ABCA13: variants seen among roughly 807,000 people sequenced by gnomAD.
ABCA13 encodes the protein ATP binding cassette subfamily A member 13, also known as ATP-binding cassette sub-family A member 13.
ABCA13 carries 476 observed loss-of-function variants against 478.7 expected under a neutral mutation model. The observed-to-expected ratio is 0.99, with a 90% CI of 0.92 to 1.07. ABCA13 has a LOEUF of 1.07. Ranked by LOEUF, ABCA13 falls within the 50% of genes least tolerant of loss-of-function variation. The pLI is 0.00. For missense variants in ABCA13, 6,060 were observed against 5,910.6 expected (o/e 1.03, Z -0.83); for synonymous variants, 2,252 against 2,158.9 (o/e 1.04, Z -1.20).
intron 32 of ABCA13, among the ~76,000 whole-genome samples, chr7:48,370,566 G>A (rs1812474152): frequency 6.6e-6 from 1 of 151,892 alleles, no homozygotes; most frequent in African/African-American, 2.4e-5. Flanking sequence ...AAATAAAATT[G>A]GAAATCAACT....
At chr7:48,469,189 A>G (rs1827205374) in intron 44 of ABCA13, among the ~76,000 whole-genome samples, 1 of 152,204 alleles carries the variant, frequency 6.6e-6, no homozygotes. Flanking sequence ...TTATTTTTGT[A>G]ATTAAAAAGA....
intron 39 of ABCA13, among the ~76,000 whole-genome samples, chr7:48,408,224 C>T (rs6949129): frequency 4.1e-3 from 627 of 152,302 alleles, no homozygotes; most frequent in African/African-American, 0.014. Flanking sequence ...TAACATCTCC[C>T]TCCTTCTCCT....
intron 20 of ABCA13, among the ~76,000 whole-genome samples, chr7:48,294,137 T>C (rs1385099988): frequency 2.6e-5 from 4 of 152,132 alleles, no homozygotes; most frequent in African/African-American, 9.7e-5. Flanking sequence ...CAACATGATG[T>C]TTTGATAAAC....
At chr7:48,212,594 C>T (rs1446334823) in intron 3 of ABCA13, among the ~76,000 whole-genome samples, 1 of 152,148 alleles carries the variant, frequency 6.6e-6, no homozygotes, top group East Asian at 1.9e-4. Context: ...TTCTTGCTAA[C>T]ACTTATTATG....
chr7:48,250,314 A>G (rs1792351940), intron 15 of ABCA13, among the ~76,000 whole-genome samples: 2 of 152,152 alleles, frequency 1.3e-5, no homozygotes, highest in African/African-American at 4.8e-5. Flanking sequence ...GGCATGATAT[A>G]TTAAATCACT....
chr7:48,419,225 T>C (rs976624951), intron 41 of ABCA13, among the ~76,000 whole-genome samples: 12 of 152,288 alleles, frequency 7.9e-5, no homozygotes, highest in Non-Finnish European at 1.5e-4. Context: ...TGACATGAGA[T>C]TTGGGTGACG....
At chr7:48,465,530 T>C (rs1431546279) in intron 43 of ABCA13, among the ~76,000 whole-genome samples, 1 of 151,886 alleles carries the variant, frequency 6.6e-6, no homozygotes, top group Non-Finnish European at 1.5e-5. Context: ...CTTTCTTTTT[T>C]TTTTTTTTTG....
chr7:48,358,340 T>C (rs1810301967), intron 31 of ABCA13, among the ~76,000 whole-genome samples: 1 of 150,718 alleles, frequency 6.6e-6, no homozygotes, highest in African/African-American at 2.5e-5. Flanking sequence ...TTAACCTTGG[T>C]TGGTGGGAGT....
At chr7:48,512,760 T>TCA (rs3078358) in intron 51 of ABCA13, among the ~76,000 whole-genome samples, 132,639 of 152,122 alleles carry the variant, frequency 0.87, 58,112 homozygotes, top group African/African-American at 0.95. Context: ...AGAATTCTCT[T>TCA]CATACATAAC....
chr7:48,507,620 C>A (rs1169689282), intron 49 of ABCA13, among the ~76,000 whole-genome samples: 1 of 152,140 alleles, frequency 6.6e-6, no homozygotes, highest in Non-Finnish European at 1.5e-5. Flanking sequence ...GATTTTGACA[C>A]AAGAAGACTC....
chr7:48,297,342 T>C, intron 22 of ABCA13, 31 bp downstream of exon 22: 2 of 1,544,078 alleles, frequency 1.3e-6, no homozygotes, highest in South Asian at 2.4e-5. Flanking sequence ...GTTTGCTTGA[T>C]TAAAAATTAA....
intron 5 of ABCA13, among the ~76,000 whole-genome samples, chr7:48,222,215 T>C (rs988147951): frequency 1.2e-4 from 18 of 152,026 alleles, no homozygotes; most frequent in African/African-American, 4.1e-4. Flanking sequence ...ATGCACCAGG[T>C]CAAAAGGAAA....
chr7:48,371,457 T>C (rs1446907599), intron 32 of ABCA13, among the ~76,000 whole-genome samples: 1 of 152,220 alleles, frequency 6.6e-6, no homozygotes, highest in African/African-American at 2.4e-5. Context: ...CTTATTTCCT[T>C]GAGCAGTGGT....
intron 55 of ABCA13, among the ~76,000 whole-genome samples, chr7:48,556,405 A>C (rs1785830373): frequency 6.6e-6 from 1 of 151,966 alleles, no homozygotes; most frequent in Non-Finnish European, 1.5e-5. Context: ...TGGGGCATTG[A>C]AGTCCCCAGG....
Position 48,273,062 on chromosome 7 carries a change from A to C in ABCA13, c.3396A>C (p.Ser1132=), listed in dbSNP as rs758132872. 6.2e-7 allele frequency: 1 copy of C among 1,613,622 alleles called. No homozygotes were observed. Among genetic ancestry groups the C allele is most frequent in the Non-Finnish European group, 8.5e-7 (1 of 1,179,712 alleles). ...TGGCACAAATTTTTTCAAACCTCTC[A>C]GCAAATGTCAGTGTGTTCAACAAGT... The part of the protein sequence containing the change: ...FPLAQIFSNL[S]ANVSVFNKFM... The change falls in exon 17 of 62, where the codon TCA becomes TCC. Residue 1132 remains serine, a synonymous_variant. Transcript: ENST00000435803.
intron 38 of ABCA13, among the ~76,000 whole-genome samples, chr7:48,396,638 A>G (rs1184144781): frequency 6.6e-6 from 1 of 152,208 alleles, no homozygotes; most frequent in East Asian, 1.9e-4. Flanking sequence ...GCACATTTCT[A>G]GTGTTGATGC....
chr7:48,186,816 C>A (rs1296193929), intron 1 of ABCA13, among the ~76,000 whole-genome samples: 2 of 151,896 alleles, frequency 1.3e-5, no homozygotes, highest in Admixed American at 1.3e-4. Flanking sequence ...AGCAGGAATG[C>A]CCCTGTCGTT....
intron 1 of ABCA13, 26 bp from the exon 2 acceptor site, chr7:48,192,933 A>ATTT (rs559638720): frequency 4.1e-5 from 51 of 1,250,094 alleles, no homozygotes; most frequent in Non-Finnish European, 5.0e-5. Flanking sequence ...TATTCAGGTG[A>ATTT]TTTTTTTTTT....
At chr7:48,494,087 A>G (rs1460418778) in intron 48 of ABCA13, among the ~76,000 whole-genome samples, 1 of 152,108 alleles carries the variant, frequency 6.6e-6, no homozygotes, top group African/African-American at 2.4e-5. Context: ...TTTTCTCCCC[A>G]TTTGTATATC....
Sources: allele counts gnomAD v4.1 joint callset (sites outside exome capture counted in the v4.1 genomes callset), GRCh38; gene constraint gnomAD v4.1.1; transcripts MANE v1.5; gene names NCBI Gene and HGNC (gene_info 2026-07-23, HGNC 2026-07-21).